KNTC1: variants seen among roughly 807,000 people sequenced by gnomAD.
The protein encoded by KNTC1 is kinetochore associated 1.
Under a neutral mutation model 314.4 loss-of-function variants are expected in KNTC1, and 253 were observed. The observed-to-expected ratio is 0.80, with a 90% CI of 0.73 to 0.89. KNTC1 has a LOEUF of 0.89. Among genes scored for constraint, KNTC1 ranks in the 40% least tolerant of loss-of-function variants. The pLI is 0.00. For missense variants in KNTC1, 2,475 were observed against 2,572.9 expected (o/e 0.96, Z 0.82); for synonymous variants, 901 against 901.4 (o/e 1.00, Z 0.01).
At position 122,615,487 on chromosome 12, in the gene KNTC1, A is replaced by G; in HGVS notation, c.5991A>G (p.Lys1997=). 5 of 1,525,214 alleles carry G rather than the reference A, an allele frequency of 3.3e-6. No individual in the cohort carries two copies. Among genetic ancestry groups the G allele is most frequent in the Non-Finnish European group, 4.4e-6 (5 of 1,132,108 alleles). 94.5% of individuals were successfully genotyped at this position (1,525,214 alleles called of 1,614,324 possible). ...TTTTACAGATTCCTTATCTAAGGAA[A>G]GTTTTAAAAGCCATCTCCAGTATCC... ...LGFNMIPYLR[K]VLKAISSIHS... The change falls in exon 57 of 64, where the codon AAA becomes AAG. Residue 1997 remains lysine (K), a synonymous_variant. Coordinates refer to ENST00000333479, the MANE Select transcript of KNTC1 (RefSeq NM_014708.6).
At position 122,584,424 on chromosome 12, in the gene KNTC1, G is replaced by A. The variant is rs779167750; in HGVS notation, c.3410G>A (p.Ser1137Asn). 1 of 1,609,530 alleles carries A rather than the reference G, an allele frequency of 6.2e-7. No homozygotes were observed. The highest frequency in any genetic ancestry group is 1.1e-5 in the South Asian group (1 of 90,390). ...NLPSMIHDLA[S>N]QAATICSPDF... ...CCTTCCATGATACATGATCTAGCAA[G>A]CCAAGCTGCCACCATTTGCAGTCCA... is the stretch of plus-strand genomic sequence containing the variant. The change falls in exon 35 of 64, where the codon AGC becomes AAC. Residue 1137 changes from serine to asparagine, a missense_variant. By Grantham distance (46) the Ser-to-Asn change is conservative. Coordinates refer to ENST00000333479, the MANE Select transcript of KNTC1 (RefSeq NM_014708.6).
rs368304546 is a variant in KNTC1, at chr12:122,551,604, C to A, written c.1197-17C>A. On this transcript the variant is annotated splice_polypyrimidine_tract_variant and intron_variant, in intron 15 of 63. Transcript: ENST00000333479. ...GAATAATAAGCATTTAACAAAATTT[C>A]TCTTCCAACTTAACAGATTGAGTCG... 6.2e-6 allele frequency: 10 copies of A among 1,611,960 alleles called. No homozygotes were observed. Among genetic ancestry groups the A allele is most frequent in the African/African-American group, 2.7e-5 (2 of 74,954 alleles).
At chr12:122,579,531 G>T (rs1965262538) in intron 31 of KNTC1, among the ~76,000 whole-genome samples, 1 of 151,866 alleles carries the variant, frequency 6.6e-6, no homozygotes, top group Non-Finnish European at 1.5e-5. Flanking sequence ...TCACTGGAAG[G>T]TAGTGATTAT....
At chr12:122,603,737 C>T (rs1306934044) in intron 48 of KNTC1, among the ~76,000 whole-genome samples, 4 of 152,086 alleles carry the variant, frequency 2.6e-5, no homozygotes, top group Admixed American at 1.3e-4. Flanking sequence ...GTGATCCGCC[C>T]GCCTCGGCCT....
intron 52 of KNTC1, among the ~76,000 whole-genome samples, chr12:122,609,952 A>G (rs575297228): frequency 1.3e-5 from 2 of 152,346 alleles, no homozygotes; most frequent in African/African-American, 2.4e-5. Context: ...ACAGGCATGG[A>G]TAAGGGAGCA....
intron 42 of KNTC1, chr12:122,594,039 A>G (rs1448697267): frequency 2.1e-6 from 1 of 471,630 alleles, no homozygotes; most frequent in Non-Finnish European, 3.8e-6. Flanking sequence ...GACATTAACA[A>G]TCAAACTTTT....
At position 122,602,888 on chromosome 12, in the gene KNTC1, G is replaced by T. The variant is rs1330951386; in HGVS notation, c.4884+1G>T. On this transcript the variant is annotated splice_donor_variant, in intron 47 of 63. Transcript: ENST00000333479. LOFTEE classifies it high-confidence loss of function. The stretch of plus-strand genomic sequence containing the variant: ...GCTCTTAATTTCGAAATTAATGAAG[G>T]TAATGGATTAAAACATTGTAAGACA... 1.3e-6 allele frequency: 2 copies of T among 1,599,230 alleles called. No individual in the cohort carries two copies. Among genetic ancestry groups the T allele is most frequent in the Non-Finnish European group, 8.6e-7 (1 of 1,167,094 alleles).
At chr12:122,575,433 C>A in intron 27 of KNTC1, 110 bp from the exon 28 acceptor site, 1 of 700,454 alleles carries the variant, frequency 1.4e-6, no homozygotes, top group Non-Finnish European at 2.5e-6. Flanking sequence ...ATGAAATATT[C>A]TCAAACTACC....
rs781396154 is a variant in KNTC1 at position 122,577,783 on chromosome 12, T to C, written c.2833T>C (p.Ser945Pro). 5 of 1,609,614 alleles carry C rather than the reference T, an allele frequency of 3.1e-6. No individual in the cohort carries two copies. Among genetic ancestry groups the C allele is most frequent in the African/African-American group, 1.3e-5 (1 of 74,696 alleles). Reference sequence around the variant, plus strand: ...GGCATTACAAGAAGAGCCAGATCATTCTAAAGAGGTGACATTTTCACTAAG... The same window carrying C: ...GGCATTACAAGAAGAGCCAGATCATCCTAAAGAGGTGACATTTTCACTAAG... Reference protein sequence around the residue: ...RLALQEEPDHSKEGKAWRMSV... With the variant: ...RLALQEEPDHPKEGKAWRMSV... Residue 945 changes from serine to proline, a missense_variant, in exon 31 of 64, where the codon TCT becomes CCT. Transcript: ENST00000333479.
In KNTC1 at chr12:122,594,324, C is replaced by G; in HGVS notation, c.4294C>G (p.Leu1432Val). ...GCAACATTTTCTCACCAAGAAAGAC[C>G]TCATTAAAGCTCTTGTGGAGAATAT... ...FRQHFLTKKD[L>V]IKALVENIDM... Residue 1432 changes from leucine (L) to valine (V), a missense_variant, in exon 43 of 64, where the codon CTC (leucine) becomes GTC (valine). By Grantham distance (32) the Leu-to-Val change is conservative. Transcript: ENST00000333479. 6.2e-7 allele frequency: 1 copy of G among 1,611,018 alleles called. No individual in the cohort carries two copies. Among genetic ancestry groups the G allele is most frequent in the Non-Finnish European group, 8.5e-7 (1 of 1,177,618 alleles).
rs747958298 is a variant in KNTC1, at chr12:122,605,433, A to G, written c.5496+18A>G. On this transcript the variant is annotated intron_variant, in intron 51 of 63. Coordinates refer to ENST00000333479, the MANE Select transcript of KNTC1 (RefSeq NM_014708.6). ...CTGGTGAAGTAAGTACTTGCTGCCC[A>G]AGAGTATCTGTAGTTGAGTATGCAC... 17 of 1,314,848 alleles carry G rather than the reference A, an allele frequency of 1.3e-5. No individual in the cohort carries two copies. The highest frequency in any genetic ancestry group is 1.6e-5 in the Non-Finnish European group (15 of 923,584). 81.4% of individuals were successfully genotyped at this position (1,314,848 alleles called of 1,614,324 possible). A position where few individuals can be genotyped will look rare whatever the true frequency, so the allele number is the denominator to read the frequency against.
At position 122,602,755 on chromosome 12, in the gene KNTC1, A is replaced by G. The variant is rs778123809; in HGVS notation, c.4825+15A>G. On this transcript the variant is annotated intron_variant, in intron 46 of 63. Transcript: ENST00000333479. ...GAAAATTCTCTGTATGTGTTCATTA[A>G]CTTTTTATGAATTTTACTGGATAGC... is the stretch of plus-strand genomic sequence containing the variant. 2 of 1,612,696 alleles carry G rather than the reference A, an allele frequency of 1.2e-6. No individual in the cohort carries two copies. Among genetic ancestry groups the G allele is most frequent in the Non-Finnish European group, 8.5e-7 (1 of 1,179,318 alleles).
In KNTC1 at chr12:122,583,439, G is replaced by T. The variant is rs533719131; in HGVS notation, c.3263+454G>T. Among the ~76,000 whole-genome samples, 13 of 152,298 alleles carry T rather than the reference G, an allele frequency of 8.5e-5. No homozygotes were observed. The South Asian group carries it at 1.2e-3, about 15-fold the overall frequency. On this transcript the variant is annotated intron_variant, in intron 34 of 63. Transcript: ENST00000333479. ...AGTGTCAGAAAGTAGTAGCATAAAA[G>T]GCAAGTAAGCAATACTGCAGAGTTA...
Position 122,597,768 on chromosome 12 carries a change from T to C in KNTC1, c.4393T>C (p.Phe1465Leu), listed in dbSNP as rs748225071. 1 of 1,613,978 alleles carries C rather than the reference T, an allele frequency of 6.2e-7. No homozygotes were observed. Among genetic ancestry groups the C allele is most frequent in the South Asian group, 1.1e-5 (1 of 91,086 alleles). The change falls in exon 44 of 64, where the codon TTC (phenylalanine) becomes CTC (leucine). Residue 1465 changes from phenylalanine to leucine, a missense_variant. Transcript: ENST00000333479. ...GGACTGCGATGCAGTTCTTCAGCTC[T>C]TCATTGAAACGCTGCTCCACAACAC... The part of the protein sequence containing the change: ...QLDCDAVLQL[F>L]IETLLHNTNA...
chr12:122,540,413 C>G (rs186034921), intron 5 of KNTC1, among the ~76,000 whole-genome samples: 4 of 152,150 alleles, frequency 2.6e-5, no homozygotes, highest in Non-Finnish European at 4.4e-5. Context: ...CTCAGGTGAT[C>G]TGCCCGCCTC....
At chr12:122,545,648 C>T (rs1962703290) in intron 8 of KNTC1, among the ~76,000 whole-genome samples, 1 of 152,040 alleles carries the variant, frequency 6.6e-6, no homozygotes, top group Admixed American at 6.6e-5. Context: ...TGCCTAAATA[C>T]GCTCATTAAA....
intron 43 of KNTC1, chr12:122,597,464 G>T: frequency 1.1e-5 from 4 of 378,012 alleles, no homozygotes; most frequent in South Asian, 9.3e-5. Context: ...GGCCAGGCTG[G>T]TCTCAAACTC....
intron 16 of KNTC1, among the ~76,000 whole-genome samples, chr12:122,553,847 A>AACT (rs1963365870): frequency 2.0e-5 from 3 of 152,088 alleles, no homozygotes; most frequent in Non-Finnish European, 4.4e-5. Context: ...CAGCAGTTTC[A>AACT]ACTACTACAG....
intron 31 of KNTC1, 91 bp downstream of exon 31, chr12:122,577,882 A>G: frequency 1.7e-6 from 2 of 1,172,634 alleles, no homozygotes; most frequent in Non-Finnish European, 2.3e-6. Context: ...ACATATGAAG[A>G]TCTGCTCTTC....
Sources: gnomAD v4.1 joint callset for allele counts (sites outside exome capture counted in the v4.1 genomes callset) on GRCh38, gnomAD v4.1.1 for gene constraint, MANE v1.5 for transcripts, NCBI Gene and HGNC (gene_info 2026-07-23, HGNC 2026-07-21) for gene names.